Variants in RHOBTB1 observed in about 807,000 individuals in gnomAD.
RHOBTB1 encodes the protein rho-related BTB domain-containing protein 1.
RHOBTB1 carries 40 observed loss-of-function variants against 71.6 expected under a neutral mutation model. That is an observed-to-expected ratio of 0.56 (90% confidence interval 0.43 to 0.73). RHOBTB1 has a LOEUF of 0.73. Ranked by LOEUF, RHOBTB1 falls within the 30% of genes least tolerant of loss-of-function variation. The pLI is 0.00. For missense variants in RHOBTB1, 797 were observed against 894.0 expected, an observed-to-expected ratio of 0.89 and a Z score of 1.38; for synonymous variants, 319 against 334.9, an observed-to-expected ratio of 0.95 and a Z score of 0.52.
chr10:60,991,891 TC>T (rs1319120142), intron 1 of RHOBTB1, among the ~76,000 whole-genome samples: 4 of 152,188 alleles, frequency 2.6e-5, no homozygotes, highest in African/African-American at 9.7e-5. Flanking sequence ...TAGAAGAGTT[TC>T]GGTTCCATAT....
chr10:60,921,367 G>T (rs1259797572), intron 2 of RHOBTB1, among the ~76,000 whole-genome samples: 7 of 152,214 alleles, frequency 4.6e-5, no homozygotes. Context: ...AGTTCTCCAG[G>T]AGAGAAAGGA....
upstream of RHOBTB1, among the ~76,000 whole-genome samples, chr10:60,946,594 T>C (rs371520845): frequency 1.3e-5 from 2 of 152,356 alleles, no homozygotes; most frequent in East Asian, 3.9e-4. Flanking sequence ...TGGGGTTGTC[T>C]GTGCCAAAGT....
chr10:60,917,837 C>T (rs2083349126), intron 2 of RHOBTB1, among the ~76,000 whole-genome samples: 1 of 152,196 alleles, frequency 6.6e-6, no homozygotes, highest in Admixed American at 6.5e-5. Flanking sequence ...AAATTCTAGT[C>T]ATTCCTTAAA....
chr10:60,979,647 C>T (rs1487222318), intron 2 of RHOBTB1, among the ~76,000 whole-genome samples: 2 of 152,140 alleles, frequency 1.3e-5, no homozygotes, highest in African/African-American at 2.4e-5. Context: ...ACAATCATTG[C>T]CTGCCTGCAG....
chr10:60,966,678 T>A (rs1279716675), intron 2 of RHOBTB1, among the ~76,000 whole-genome samples: 1 of 152,086 alleles, frequency 6.6e-6, no homozygotes, highest in African/African-American at 2.4e-5. Flanking sequence ...TTTGGTTCTT[T>A]TTTTTTAATC....
chr10:60,864,285 A>T, the RHOBTB1 span, among the ~76,000 whole-genome samples: 1 of 152,214 alleles, frequency 6.6e-6, no homozygotes, highest in East Asian at 1.9e-4. Context: ...GACAAATGCA[A>T]ACAAGGCACT....
intron 2 of RHOBTB1, among the ~76,000 whole-genome samples, chr10:60,918,872 G>A (rs377462729): frequency 5.9e-5 from 9 of 151,592 alleles, no homozygotes; most frequent in Non-Finnish European, 1.3e-4. Context: ...TCAGCCTCCC[G>A]AGTAGCTGGG....
exon 1 of RHOBTB1, chr10:61,001,430 T>C (rs1162899742): frequency 6.6e-6 from 1 of 151,388 alleles, no homozygotes; most frequent in African/African-American, 2.4e-5. Flanking sequence ...GCGGCGGCTC[T>C]GGGTCCCGCC....
At chr10:60,959,719 T>G (rs1444993111) in intron 2 of RHOBTB1, among the ~76,000 whole-genome samples, 2 of 152,116 alleles carry the variant, frequency 1.3e-5, no homozygotes, top group East Asian at 3.9e-4. Context: ...ACACTTTATC[T>G]CTCTGGGCCT....
intron 2 of RHOBTB1, among the ~76,000 whole-genome samples, chr10:60,917,644 T>C (rs1448357101): frequency 2.0e-5 from 3 of 152,196 alleles, no homozygotes; most frequent in African/African-American, 2.4e-5. Flanking sequence ...TCCACCCTCA[T>C]GGCTTTATCC....
chr10:60,896,790 T>C (rs2082180715), intron 4 of RHOBTB1, among the ~76,000 whole-genome samples: 1 of 152,100 alleles, frequency 6.6e-6, no homozygotes, highest in Non-Finnish European at 1.5e-5. Flanking sequence ...GTCCATGAAA[T>C]AATGTTTTGA....
chr10:60,884,400 C>T (rs12260432), intron 7 of RHOBTB1, among the ~76,000 whole-genome samples: 51,629 of 152,094 alleles, frequency 0.34, 9,470 homozygotes, highest in East Asian at 0.59. Context: ...GTTTTCATTT[C>T]TACTTTTTTA....
chr10:60,983,344 G>A (rs1306298719), intron 2 of RHOBTB1, among the ~76,000 whole-genome samples: 1 of 152,082 alleles, frequency 6.6e-6, no homozygotes, highest in Non-Finnish European at 1.5e-5. Flanking sequence ...TTAACTGAAT[G>A]AAATTTGCTT....
intron 2 of RHOBTB1, among the ~76,000 whole-genome samples, chr10:60,930,032 A>C (rs1213658815): frequency 1.3e-5 from 2 of 152,222 alleles, no homozygotes; most frequent in Non-Finnish European, 2.9e-5. Flanking sequence ...TAAATGAAAC[A>C]ATTGAAAGGA....
At chr10:60,904,159 C>T (rs969162453) in intron 4 of RHOBTB1, among the ~76,000 whole-genome samples, 5 of 152,106 alleles carry the variant, frequency 3.3e-5, no homozygotes, top group African/African-American at 1.2e-4. Context: ...GTTGGCCAGG[C>T]TGATCTCAAA....
At chr10:60,868,660 T>C (rs559856336), downstream of RHOBTB1, among the ~76,000 whole-genome samples, 133 of 152,314 alleles carry the variant, frequency 8.7e-4, no homozygotes, top group African/African-American at 3.0e-3. Context: ...AATGCCAGTA[T>C]AGGAAACTTT....
rs1021938826 is a variant in RHOBTB1, at chr10:60,964,756, C to G, written c.-62+21089G>C. Among the ~76,000 whole-genome samples, 6 of 152,014 alleles carry G rather than the reference C, an allele frequency of 3.9e-5. No individual in the cohort carries two copies. The East Asian group carries it at 1.2e-3, about 29-fold the overall frequency. ...GTTAGTTTGTATAGAGAAAAATATG[C>G]GAAAATTTCCAAACTGTTACTTATT... On this transcript the variant is annotated intron_variant, in intron 2 of 11. Transcript: ENST00000357917.
intron 2 of RHOBTB1, among the ~76,000 whole-genome samples, chr10:60,941,538 A>G (rs2084903158): frequency 6.6e-6 from 1 of 152,148 alleles, no homozygotes; most frequent in Non-Finnish European, 1.5e-5. Context: ...AACCACGGGC[A>G]CCACTCTGAT....
chr10:60,891,628 A>G (rs1306111807), intron 5 of RHOBTB1, among the ~76,000 whole-genome samples: 1 of 152,060 alleles, frequency 6.6e-6, no homozygotes, highest in Non-Finnish European at 1.5e-5. Context: ...GTTTACAGGC[A>G]TGAGCCACTG....
Sources: gnomAD v4.1 joint callset for allele counts (sites outside exome capture counted in the v4.1 genomes callset) on GRCh38, gnomAD v4.1.1 for gene constraint, MANE v1.5 for transcripts, NCBI Gene and HGNC (gene_info 2026-07-23, HGNC 2026-07-21) for gene names.